Variants in C1orf141 observed in about 807,000 individuals in gnomAD.
C1orf141 encodes chromosome 1 open reading frame 141, also known as uncharacterized protein C1orf141.
A neutral mutation model predicts 23.2 loss-of-function variants in C1orf141; 19 were observed. The observed-to-expected ratio is 0.82, with a 90% CI of 0.57 to 1.20. C1orf141 has a LOEUF of 1.20. C1orf141 is among the 50% of genes most tolerant of loss of function. C1orf141 has a pLI of 0.00. For missense variants in C1orf141, 469 were observed against 455.1 expected, an observed-to-expected ratio of 1.03 and a Z score of -0.28; for synonymous variants, 153 against 154.6, an observed-to-expected ratio of 0.99 and a Z score of 0.08.
chr1:67,116,216 A>T (rs1425261914), intron 4 of C1orf141, among the ~76,000 whole-genome samples: 1 of 152,118 alleles, frequency 6.6e-6, no homozygotes, highest in Non-Finnish European at 1.5e-5. Flanking sequence ...CCCCTTCCTG[A>T]TCTTCTCCTC....
At chr1:67,140,511 A>G (rs981321305) in intron 1 of C1orf141, among the ~76,000 whole-genome samples, 12 of 152,204 alleles carry the variant, frequency 7.9e-5, no homozygotes, top group African/African-American at 2.9e-4. Flanking sequence ...ATAAAATATA[A>G]TCTTTTTCTT....
chr1:67,115,780 A>C (rs1354963282), intron 4 of C1orf141, among the ~76,000 whole-genome samples: 1 of 152,236 alleles, frequency 6.6e-6, no homozygotes, highest in African/African-American at 2.4e-5. Context: ...TGAGACATTG[A>C]GGACATTACT....
intron 5 of C1orf141, among the ~76,000 whole-genome samples, chr1:67,105,079 C>A (rs537289859): frequency 4.6e-5 from 7 of 152,034 alleles, no homozygotes; most frequent in Non-Finnish European, 8.8e-5. Context: ...GTAATCCCAG[C>A]ACTTTGGGAG....
chr1:67,105,325 C>CAAAAAAAAAAAAAAAAAAAAAAAAA (rs3052331), intron 5 of C1orf141, among the ~76,000 whole-genome samples: 1 of 92,358 alleles, frequency 1.1e-5, no homozygotes, highest in South Asian at 4.1e-4. Context: ...GACTATTTCT[C>CAAAAAAAAAAAAAAAAAAAAAAAAA]AAAAAAAAAA....
At chr1:67,110,799 G>A (rs1278139940) in intron 5 of C1orf141, among the ~76,000 whole-genome samples, 1 of 151,226 alleles carries the variant, frequency 6.6e-6, no homozygotes, top group Non-Finnish European at 1.5e-5. Flanking sequence ...AAACCATGTA[G>A]ATGAAGATAA....
chr1:67,118,535 G>A (rs546086081), intron 4 of C1orf141, among the ~76,000 whole-genome samples: 1 of 152,308 alleles, frequency 6.6e-6, no homozygotes, highest in South Asian at 2.1e-4. Flanking sequence ...AAGTAAAGTA[G>A]ACACCCTGCA....
At chr1:67,117,115 G>C (rs6703469) in intron 4 of C1orf141, among the ~76,000 whole-genome samples, 97,258 of 152,032 alleles carry the variant, frequency 0.64, 31,605 homozygotes, top group East Asian at 0.79. Context: ...CATAGTACAT[G>C]TTTAATATTC....
chr1:67,109,606 A>G (rs1646020967), intron 5 of C1orf141, among the ~76,000 whole-genome samples: 1 of 152,240 alleles, frequency 6.6e-6, no homozygotes, highest in African/African-American at 2.4e-5. Context: ...CTTAGTGACA[A>G]TGAGCATGAA....
chr1:67,140,767 A>G (rs1366705027), intron 1 of C1orf141, among the ~76,000 whole-genome samples: 1 of 152,192 alleles, frequency 6.6e-6, no homozygotes, highest in African/African-American at 2.4e-5. Context: ...TTAAAAGTTG[A>G]TAATAACATC....
intron 5 of C1orf141, among the ~76,000 whole-genome samples, chr1:67,110,691 T>C (rs1646048492): frequency 6.6e-6 from 1 of 151,946 alleles, no homozygotes; most frequent in African/African-American, 2.4e-5. Flanking sequence ...TGCTAGTAAA[T>C]GTATTATGAT....
chr1:67,130,153 A>AAAACT (rs1646491311), intron 2 of C1orf141, among the ~76,000 whole-genome samples: 1 of 152,206 alleles, frequency 6.6e-6, no homozygotes, highest in Admixed American at 6.5e-5. Flanking sequence ...TCCCTCTTGT[A>AAAACT]AAACTAAACT....
At chr1:67,094,632 A>G (rs1645631750) in intron 7 of C1orf141, 1 of 152,262 alleles carries the variant, frequency 6.6e-6, no homozygotes, top group African/African-American at 2.4e-5. Context: ...TGACAATAGC[A>G]TGGGCCTCAG....
intron 5 of C1orf141, among the ~76,000 whole-genome samples, chr1:67,114,836 C>T (rs931216472): frequency 2.0e-5 from 3 of 152,110 alleles, no homozygotes; most frequent in Non-Finnish European, 2.9e-5. Context: ...CCACCATGCC[C>T]GGCTAATTTT....
At chr1:67,126,541 A>G (rs1300323822) in intron 3 of C1orf141, among the ~76,000 whole-genome samples, 1 of 152,232 alleles carries the variant, frequency 6.6e-6, no homozygotes, top group East Asian at 1.9e-4. Flanking sequence ...CTGCCAATAG[A>G]TGGAGCACTA....
intron 4 of C1orf141, chr1:67,123,878 C>G (rs1254627040): frequency 6.6e-6 from 1 of 152,050 alleles, no homozygotes; most frequent in East Asian, 1.9e-4. Flanking sequence ...GAAATAAATC[C>G]CAGCCCTTCT....
intron 5 of C1orf141, among the ~76,000 whole-genome samples, chr1:67,111,351 A>G (rs1243478627): frequency 6.6e-6 from 1 of 152,150 alleles, no homozygotes; most frequent in Admixed American, 6.5e-5. Flanking sequence ...ACCATGTTCA[A>G]TAATCTCTAC....
At chr1:67,111,588 C>G (rs1646073121) in intron 5 of C1orf141, 1 of 1,338,052 alleles carries the variant, frequency 7.5e-7, no homozygotes. Context: ...TCAGTTGTAT[C>G]CTTAAGATAA....
At chr1:67,118,805 A>C (rs558881726) in intron 4 of C1orf141, among the ~76,000 whole-genome samples, 1 of 152,304 alleles carries the variant, frequency 6.6e-6, no homozygotes, top group Admixed American at 6.5e-5. Flanking sequence ...CATGACGTGA[A>C]GATACAAAGA....
chr1:67,098,694 G>A (rs976454523), intron 5 of C1orf141, among the ~76,000 whole-genome samples: 1 of 152,116 alleles, frequency 6.6e-6, no homozygotes, highest in Admixed American at 6.5e-5. Flanking sequence ...ATGCGTCATA[G>A]TTTAATTAAC....
Sources: gnomAD v4.1 joint callset for allele counts (sites outside exome capture counted in the v4.1 genomes callset) on GRCh38, gnomAD v4.1.1 for gene constraint, MANE v1.5 for transcripts, NCBI Gene and HGNC (gene_info 2026-07-23, HGNC 2026-07-21) for gene names.